SNAPC1: variants seen among roughly 807,000 people sequenced by gnomAD.
The protein encoded by SNAPC1 is small nuclear RNA activating complex polypeptide 1.
In SNAPC1, 42 loss-of-function variants were observed where a neutral mutation model predicts 50.1. The ratio of observed to expected loss-of-function variants is 0.84; its 90% CI spans 0.65 to 1.08. SNAPC1 has a LOEUF of 1.08. Among genes scored for constraint, SNAPC1 ranks in the 50% least tolerant of loss-of-function variants. SNAPC1 has a pLI of 0.00. For synonymous variants in SNAPC1, 164 were observed against 144.2 expected (o/e 1.14, Z -0.98); for missense variants, 477 against 427.3 (o/e 1.12, Z -1.02).
chr14:61,765,191 G>T (rs2044937954), intron 1 of SNAPC1, among the ~76,000 whole-genome samples: 1 of 152,074 alleles, frequency 6.6e-6, no homozygotes, highest in Admixed American at 6.5e-5. Context: ...TTAAGGCCTT[G>T]TTTTTTAAAA....
chr14:61,775,046 G>A (rs2045024616), intron 4 of SNAPC1, among the ~76,000 whole-genome samples: 1 of 152,064 alleles, frequency 6.6e-6, no homozygotes, highest in African/African-American at 2.4e-5. Flanking sequence ...TGACTCAGAT[G>A]TTGCAATGTC....
chr14:61,788,513 C>A (rs2140185412), intron 8 of SNAPC1, among the ~76,000 whole-genome samples: 1 of 152,110 alleles, frequency 6.6e-6, no homozygotes, highest in Non-Finnish European at 1.5e-5. Flanking sequence ...AGGGCCACCA[C>A]CCAGTAGAAA....
At chr14:61,786,340 A>G (rs2045115764) in intron 8 of SNAPC1, among the ~76,000 whole-genome samples, 1 of 152,202 alleles carries the variant, frequency 6.6e-6, no homozygotes, top group African/African-American at 2.4e-5. Context: ...TTCAAAAGAC[A>G]CTGTTAAGAA....
chr14:61,765,740 A>C (rs2044942620), intron 1 of SNAPC1, among the ~76,000 whole-genome samples: 1 of 151,868 alleles, frequency 6.6e-6, no homozygotes, highest in Non-Finnish European at 1.5e-5. Flanking sequence ...TTTCATGTAC[A>C]TTTCCTATGT....
chr14:61,762,891 C>G (rs1165050402), intron 1 of SNAPC1, among the ~76,000 whole-genome samples: 2 of 150,600 alleles, frequency 1.3e-5, no homozygotes, highest in African/African-American at 4.9e-5. Flanking sequence ...CTTCCCCAGT[C>G]TTGTTCTAGG....
At chr14:61,789,679 G>A (rs937863878) in intron 8 of SNAPC1, among the ~76,000 whole-genome samples, 1 of 152,182 alleles carries the variant, frequency 6.6e-6, no homozygotes, top group Non-Finnish European at 1.5e-5. Flanking sequence ...GGATTGTAAA[G>A]GGGATATGTT....
At chr14:61,766,464 A>C (rs1332898671) in intron 1 of SNAPC1, among the ~76,000 whole-genome samples, 1 of 152,254 alleles carries the variant, frequency 6.6e-6, no homozygotes, top group Non-Finnish European at 1.5e-5. Context: ...GAAAGTAAAA[A>C]AATGGCCTTG....
At chr14:61,779,151 A>G (rs1407915225) in intron 7 of SNAPC1, among the ~76,000 whole-genome samples, 2 of 152,100 alleles carry the variant, frequency 1.3e-5, no homozygotes, top group African/African-American at 4.8e-5. Flanking sequence ...TGGAATTTTG[A>G]TGCCATTTCC....
At chr14:61,780,959 CA>C (rs2045067707) in intron 7 of SNAPC1, among the ~76,000 whole-genome samples, 1 of 151,978 alleles carries the variant, frequency 6.6e-6, no homozygotes, top group Non-Finnish European at 1.5e-5. Flanking sequence ...AATAATATGA[CA>C]ATCATTTACA....
intron 8 of SNAPC1, among the ~76,000 whole-genome samples, chr14:61,786,334 A>T (rs138709730): frequency 6.6e-6 from 1 of 152,216 alleles, no homozygotes; most frequent in Non-Finnish European, 1.5e-5. Flanking sequence ...TTTGTCTTCA[A>T]AAGACACTGT....
chr14:61,777,357 G>T (rs1278863320), intron 5 of SNAPC1, among the ~76,000 whole-genome samples: 4 of 152,156 alleles, frequency 2.6e-5, no homozygotes, highest in Non-Finnish European at 5.9e-5. Flanking sequence ...GGCATTTAAT[G>T]TAAAAATTTG....
chr14:61,778,031 G>T, intron 5 of SNAPC1, 41 bp from the exon 6 acceptor site: 1 of 895,326 alleles, frequency 1.1e-6, no homozygotes, highest in Non-Finnish European at 1.7e-6. Flanking sequence ...TTGTAAATTT[G>T]TATGTGTGTA....
rs773693765 is a variant in SNAPC1 at position 61,766,894 on chromosome 14, A to G, written c.147A>G (p.Leu49=). 6.2e-6 allele frequency: 10 copies of G among 1,608,322 alleles called. No individual in the cohort carries two copies. The South Asian group carries it at 9.9e-5, about 16-fold the overall frequency. The change falls in exon 2 of 10, where the codon TTA becomes TTG. Residue 49 remains leucine (L), a synonymous_variant. Transcript: ENST00000216294. The stretch of plus-strand genomic sequence containing the variant: ...TTATTAGTGGCAGAATGAGAAATTT[A>G]GAAAAGAACATGTTTACAAAAGAAG... ...GTIFCGRMRN[L]EKNMFTKEAL...
At chr14:61,786,850 A>G (rs1313787046) in intron 8 of SNAPC1, among the ~76,000 whole-genome samples, 4 of 152,248 alleles carry the variant, frequency 2.6e-5, no homozygotes, top group Non-Finnish European at 4.4e-5. Context: ...GTGTATGCAA[A>G]AGTTTATGTG....
intron 4 of SNAPC1, among the ~76,000 whole-genome samples, chr14:61,772,866 C>A (rs1242977515): frequency 6.6e-6 from 1 of 152,136 alleles, no homozygotes; most frequent in Non-Finnish European, 1.5e-5. Context: ...CTATGAAATG[C>A]CTATACCTGG....
In SNAPC1 at chr14:61,778,832, CT is replaced by C; in HGVS notation, c.763-14del. 1.3e-6 allele frequency: 2 copies of C among 1,523,182 alleles called. No individual in the cohort carries two copies. The highest frequency in any genetic ancestry group is 1.8e-6 in the Non-Finnish European group (2 of 1,126,812). 94.4% of individuals were successfully genotyped at this position (1,523,182 alleles called of 1,614,324 possible). A position where few individuals can be genotyped will look rare whatever the true frequency, so the allele number is the denominator to read the frequency against. On this transcript the variant is annotated splice_polypyrimidine_tract_variant and intron_variant, in intron 6 of 9. Coordinates refer to ENST00000216294, the MANE Select transcript of SNAPC1 (RefSeq NM_003082.4). ...TGTGTGTTTTAACTTTTTTTTCCTT[CT>C]TATTTTACATCCAGAGATGTGAAAG... is the stretch of plus-strand genomic sequence containing the variant.
chr14:61,768,821 C>G (rs1033200880), intron 4 of SNAPC1, 81 bp downstream of exon 4: 6 of 676,630 alleles, frequency 8.9e-6, no homozygotes, highest in African/African-American at 5.4e-5. Flanking sequence ...CCTTCATCTA[C>G]TGGATACTGA....
At chr14:61,767,754 G>T (rs1163915619) in intron 3 of SNAPC1, among the ~76,000 whole-genome samples, 1 of 151,246 alleles carries the variant, frequency 6.6e-6, no homozygotes, top group African/African-American at 2.4e-5. Context: ...GAGCCACTGC[G>T]CCCGGCCTGG....
chr14:61,778,029 TTGTATGTG>T lies in SNAPC1; in HGVS notation c.694-27_694-20del, dbSNP rs370573265. On this transcript the variant is annotated intron_variant, in intron 5 of 9. Transcript: ENST00000216294. ...ATTTGCAGTTAATTGAATTGTAAAT[TTGTATGTG>T]TGTATGTGTGTATGTATCTTTTTTG... 423 of 914,152 alleles carry T rather than the reference TTGTATGTG, an allele frequency of 4.6e-4. 1 individual carries two copies. In the African/African-American group the frequency reaches 4.9e-3, roughly 11 times the overall value. The allele number at this position is 914,152 out of a possible 1,614,324, so 56.6% of individuals were successfully genotyped here.
Sources: gnomAD v4.1 joint callset for allele counts (sites outside exome capture counted in the v4.1 genomes callset) on GRCh38, gnomAD v4.1.1 for gene constraint, MANE v1.5 for transcripts, NCBI Gene and HGNC (gene_info 2026-07-23, HGNC 2026-07-21) for gene names.